The following DDO variants were observed in gnomAD, a reference collection of about 807,000 sequenced individuals.
DDO encodes the protein D-aspartate oxidase, DDO.
In DDO, 16 loss-of-function variants were observed where a neutral mutation model predicts 16.8. The ratio of observed to expected loss-of-function variants is 0.95; its 90% confidence interval spans 0.65 to 1.45. The LOEUF is 1.45. DDO is among the 40% of genes most tolerant of loss of function. The pLI is 0.00. For missense variants in DDO, 429 were observed against 420.3 expected, an observed-to-expected ratio of 1.02 and a Z score of -0.18; for synonymous variants, 180 against 167.2, an observed-to-expected ratio of 1.08 and a Z score of -0.59.
Position 110,392,627 on chromosome 6 carries a change from A to G in DDO, c.*148T>C. On this transcript the variant is annotated 3_prime_UTR_variant, in exon 5 of 5. Transcript: ENST00000368924. ...AAGTAGCTGGGACTATAGGCATGCC[A>G]CCGTGCTCAGCTTACATGTTACACC... 7.5e-7 allele frequency: 1 copy of G among 1,327,162 alleles called. No homozygotes were observed. The highest frequency in any genetic ancestry group is 9.6e-7 in the Non-Finnish European group (1 of 1,043,028). The allele number at this position is 1,327,162 out of a possible 1,614,324, so 82.2% of individuals were successfully genotyped here.
chr6:110,397,903 A>G (rs946005451), intron 4 of DDO, among the ~76,000 whole-genome samples: 29 of 152,214 alleles, frequency 1.9e-4, no homozygotes, highest in African/African-American at 6.8e-4. Context: ...GCACCAGTGC[A>G]TAGGAGGAAA....
At chr6:110,400,874 C>T (rs1176413221) in intron 4 of DDO, among the ~76,000 whole-genome samples, 1 of 152,246 alleles carries the variant, frequency 6.6e-6, no homozygotes, top group Non-Finnish European at 1.5e-5. Flanking sequence ...CCTTCTCCAG[C>T]CATGCTTTCT....
At chr6:110,398,517 C>T (rs769504506) in intron 4 of DDO, among the ~76,000 whole-genome samples, 5 of 151,962 alleles carry the variant, frequency 3.3e-5, no homozygotes, top group African/African-American at 7.3e-5. Context: ...GAAGCCATGG[C>T]GAGAAAGGAA....
At chr6:110,400,547 G>A (rs10447426) in intron 4 of DDO, among the ~76,000 whole-genome samples, 4,567 of 152,318 alleles carry the variant, frequency 0.03, 110 homozygotes, top group Non-Finnish European at 0.045. Flanking sequence ...GGTGCCCTGG[G>A]CCTTCATGCC....
intron 3 of DDO, among the ~76,000 whole-genome samples, chr6:110,405,998 A>C (rs563744226): frequency 6.6e-6 from 1 of 152,318 alleles, no homozygotes; most frequent in South Asian, 2.1e-4. Context: ...CGGAATATGT[A>C]TCTCTAGGTA....
At chr6:110,401,989 C>T (rs1478988109) in intron 4 of DDO, among the ~76,000 whole-genome samples, 3 of 152,212 alleles carry the variant, frequency 2.0e-5, no homozygotes, top group Non-Finnish European at 4.4e-5. Flanking sequence ...AACATTACTT[C>T]TATGCATTCT....
Position 110,415,546 on chromosome 6 carries a change from T to C in DDO, c.-84A>G. On this transcript the variant is annotated 5_prime_UTR_variant, in exon 1 of 5. The change abolishes an upstream ATG in the 5' untranslated region. Coordinates refer to ENST00000368924, the MANE Select transcript of DDO (RefSeq NM_001372108.2). ...GTTTCCCAGTGCCTGGCTGGTCTCA[T>C]GCCCTGAGAGACAGAGAGAAAGCGA... 6.2e-7 allele frequency: 1 copy of C among 1,614,112 alleles called. No homozygotes were observed. Among genetic ancestry groups the C allele is most frequent in the Non-Finnish European group, 8.5e-7 (1 of 1,179,986 alleles).
chr6:110,396,443 C>T (rs888994695), intron 4 of DDO, among the ~76,000 whole-genome samples: 3 of 152,242 alleles, frequency 2.0e-5, no homozygotes, highest in African/African-American at 7.2e-5. Flanking sequence ...ACCTGCACTG[C>T]ACTTCCTATT....
At chr6:110,396,741 T>C (rs58040828) in intron 4 of DDO, among the ~76,000 whole-genome samples, 6,384 of 152,294 alleles carry the variant, frequency 0.042, 398 homozygotes, top group African/African-American at 0.14. Context: ...AAACTGTTCA[T>C]AGATAAAAAG....
Position 110,393,097 on chromosome 6 carries a change from C to A in DDO, c.704G>T (p.Gly235Val). 1 of 1,613,718 alleles carries A rather than the reference C, an allele frequency of 6.2e-7. No individual in the cohort carries two copies. Among genetic ancestry groups the A allele is most frequent in the Non-Finnish European group, 8.5e-7 (1 of 1,179,610 alleles). The change falls in exon 5 of 5, where the codon GGA becomes GTA. Residue 235 changes from glycine (G) to valine (V), a missense_variant. Transcript: ENST00000368924. ...YPGTSHVTLG[G>V]TRQKGDWNLS... Reference sequence around the variant, plus strand: ...ATTCCAGTCCCCTTTTTGCCTAGTTCCACCTAGGGTTACATGGGATGTACC... The same window carrying A: ...ATTCCAGTCCCCTTTTTGCCTAGTTACACCTAGGGTTACATGGGATGTACC...
chr6:110,390,940 A>T (rs527945240), downstream of DDO, among the ~76,000 whole-genome samples: 33 of 152,058 alleles, frequency 2.2e-4, no homozygotes, highest in Non-Finnish European at 3.8e-4. Context: ...AAGCACGCAC[A>T]CTCTATATAC....
intron 3 of DDO, among the ~76,000 whole-genome samples, chr6:110,407,135 C>T (rs1013441576): frequency 6.6e-6 from 1 of 152,174 alleles, no homozygotes; most frequent in Admixed American, 6.5e-5. Context: ...ATGAGTAAGG[C>T]TATATACTTA....
At chr6:110,397,026 G>A (rs571263062) in intron 4 of DDO, among the ~76,000 whole-genome samples, 10 of 152,224 alleles carry the variant, frequency 6.6e-5, no homozygotes, top group African/African-American at 2.2e-4. Flanking sequence ...GAGCTTAGGA[G>A]GCCTCTACCC....
rs763820347 is a variant in DDO at position 110,413,438 on chromosome 6, C to T, written c.25G>A (p.Val9Ile). Residue 9 changes from valine (V) to isoleucine (I), a missense_variant, in exon 2 of 5, where the codon GTC becomes ATC. By Grantham distance (29) the Val-to-Ile change is conservative (BLOSUM62 3). Coordinates refer to ENST00000368924, the MANE Select transcript of DDO (RefSeq NM_001372108.2). Reference protein sequence around the residue: MDTARIAVVGAGVVGLSTA... With the variant: MDTARIAVIGAGVVGLSTA... Reference sequence around the variant, plus strand: ...GAGAGCCCCACCACACCTGCCCCGACAACTGCAATCCGTGCTGTGTCCATG... The same window carrying T: ...GAGAGCCCCACCACACCTGCCCCGATAACTGCAATCCGTGCTGTGTCCATG... The T allele has an allele frequency of 3.7e-6, 6 of 1,613,742 alleles. No individual in the cohort carries two copies. The South Asian group carries it at 5.5e-5, about 15-fold the overall frequency.
chr6:110,404,854 T>C lies in DDO; in HGVS notation c.378A>G (p.Lys126=), dbSNP rs74655050. Residue 126 remains lysine (K), a synonymous_variant, in exon 4 of 5, where the codon AAA becomes AAG. Transcript: ENST00000368924. The part of the protein sequence containing the change: ...FRKMTEAELK[K]FPQYVFGQAF... ...CCTGACCAAACACATACTGGGGGAA[T>C]TTCTTCAGCTCAGCCTCAGTCATCT... 3.8e-3 allele frequency: 6,075 copies of C among 1,614,146 alleles called. 174 individuals carry two copies. In the African/African-American group the frequency reaches 0.064, roughly 17 times the overall value.
At position 110,392,827 on chromosome 6, in the gene DDO, A is replaced by G; in HGVS notation, c.974T>C (p.Val325Ala). The G allele has an allele frequency of 6.2e-7, 1 of 1,608,926 alleles. No homozygotes were observed. The highest frequency in any genetic ancestry group is 8.5e-7 in the Non-Finnish European group (1 of 1,176,900). The change falls in exon 5 of 5, where the codon GTG (valine) becomes GCG (alanine). Residue 325 changes from valine to alanine, a missense_variant. By Grantham distance (64) the Val-to-Ala change is moderately conservative (BLOSUM62 0). Transcript: ENST00000368924. Reference protein sequence around the residue: ...WGTALEAARLVSECVHALRTP... With the variant: ...WGTALEAARLASECVHALRTP... ...CCTGAGGGCATGGACACACTCGCTCACCAGCCTGGCGGCCTCCAGAGCAGT... is the reference window on the plus strand; with the variant it reads ...CCTGAGGGCATGGACACACTCGCTCGCCAGCCTGGCGGCCTCCAGAGCAGT...
At chr6:110,413,181 C>G in intron 2 of DDO, 110 bp downstream of exon 2, 1 of 1,245,916 alleles carries the variant, frequency 8.0e-7, no homozygotes, top group Non-Finnish European at 1.1e-6. Context: ...AGAAAAAAAC[C>G]TGCATATTAC....
chr6:110,393,078 G>C lies in DDO; in HGVS notation c.723C>G (p.Asp241Glu), dbSNP rs781484987. 6.2e-7 allele frequency: 1 copy of C among 1,613,604 alleles called. No homozygotes were observed. Among genetic ancestry groups the C allele is most frequent in the Non-Finnish European group, 8.5e-7 (1 of 1,179,484 alleles). ...VTLGGTRQKGDWNLSPDAENS... is the reference protein window; with the variant it reads ...VTLGGTRQKGEWNLSPDAENS... ...TTTCTGCATCCGGGGACAGATTCCAGTCCCCTTTTTGCCTAGTTCCACCTA... is the reference window on the plus strand; with the variant it reads ...TTTCTGCATCCGGGGACAGATTCCACTCCCCTTTTTGCCTAGTTCCACCTA... Residue 241 changes from aspartate (D) to glutamate (E), a missense_variant, in exon 5 of 5, where the codon GAC (aspartate) becomes GAG (glutamate). Transcript: ENST00000368924.
chr6:110,412,469 A>G (rs1326237628), intron 2 of DDO, among the ~76,000 whole-genome samples: 2 of 152,176 alleles, frequency 1.3e-5, no homozygotes, highest in Non-Finnish European at 2.9e-5. Flanking sequence ...TGTTCATCCC[A>G]TGCTTCTGCT....
Sources: gnomAD v4.1 joint callset for allele counts (sites outside exome capture counted in the v4.1 genomes callset) on GRCh38, gnomAD v4.1.1 for gene constraint, MANE v1.5 for transcripts, NCBI Gene and HGNC (gene_info 2026-07-23, HGNC 2026-07-21) for gene names.